The following CAND1 variants were observed in gnomAD, a reference collection of about 807,000 sequenced individuals.
CAND1 encodes cullin associated and neddylation dissociated 1.
A neutral mutation model predicts 108.5 loss-of-function variants in CAND1; 7 were observed. The ratio of observed to expected loss-of-function variants is 0.06; its 90% CI spans 0.04 to 0.12. The LOEUF (loss-of-function observed/expected upper bound fraction) is 0.12, where lower values mean the gene tolerates loss of function less well. Ranked by LOEUF, CAND1 falls within the 10% of genes least tolerant of loss-of-function variation. The pLI, the probability that CAND1 is intolerant of heterozygous loss-of-function variation, is 1.00. For synonymous variants in CAND1, 534 were observed against 512.0 expected, an observed-to-expected ratio of 1.04 and a Z score of -0.58; for missense variants, 941 against 1,448.7, an observed-to-expected ratio of 0.65 and a Z score of 5.69.
In CAND1 at chr12:67,312,595, C is replaced by T; in HGVS notation, c.3469-11C>T. On this transcript the variant is annotated splice_polypyrimidine_tract_variant and intron_variant, in intron 14 of 14. Transcript: ENST00000545606. ...TTATAGCATGTAATCTAAGTTTACT[C>T]CATCTTACAGGTAAAGGCAAACTCA... 1.3e-6 allele frequency: 2 copies of T among 1,564,564 alleles called. No homozygotes were observed. Among genetic ancestry groups the T allele is most frequent in the Non-Finnish European group, 1.7e-6 (2 of 1,151,504 alleles).
chr12:67,305,195 T>G lies in CAND1; in HGVS notation c.1527T>G (p.Ser509=). ...TATACGTAATCCTCTGTAACCATTCTCCTCAAGTCTTCCATCCTCACGTTC... is the reference window on the plus strand; with the variant it reads ...TATACGTAATCCTCTGTAACCATTCGCCTCAAGTCTTCCATCCTCACGTTC... ...SCLYVILCNH[S]PQVFHPHVQA... The change falls in exon 10 of 15, where the codon TCT becomes TCG. Residue 509 remains serine (S), a synonymous_variant. Transcript: ENST00000545606. This position sits in a 1 kb window ranked among gnomAD's most constrained non-coding sequence, Gnocchi z 4.4. 6.2e-7 allele frequency: 1 copy of G among 1,614,154 alleles called. No homozygotes were observed. The highest frequency in any genetic ancestry group is 8.5e-7 in the Non-Finnish European group (1 of 1,179,994).
chr12:67,292,885 A>G (rs2044735378), intron 3 of CAND1, 109 bp downstream of exon 3: 6 of 945,118 alleles, frequency 6.3e-6, no homozygotes, highest in African/African-American at 1.7e-5. Context: ...GTCCTTACAG[A>G]TGTTCATAGG....
chr12:67,307,408 G>T lies in CAND1; in HGVS notation c.2941G>T (p.Ala981Ser). The change falls in exon 11 of 15, where the codon GCC becomes TCC. Residue 981 changes from alanine (A) to serine (S), a missense_variant. By Grantham distance (99) the Ala-to-Ser change is moderately conservative. Coordinates refer to ENST00000545606, the MANE Select transcript of CAND1 (RefSeq NM_018448.5). ...KGYLISGSSY[A>S]RSSVVTAVKF... ...TTATTTTTAACTAGGCTCATCATAT[G>T]CCCGAAGCTCAGTGGTTACGGCTGT... 2 of 1,610,856 alleles carry T rather than the reference G, an allele frequency of 1.2e-6. No individual in the cohort carries two copies.
At chr12:67,310,954 C>T (rs1455056840) in intron 13 of CAND1, 1 of 151,944 alleles carries the variant, frequency 6.6e-6, no homozygotes, top group Non-Finnish European at 1.5e-5. Context: ...GTGTGTTCGT[C>T]TCCATTTAAA....
intron 11 of CAND1, among the ~76,000 whole-genome samples, chr12:67,309,260 A>T (rs1565730122): frequency 1.3e-5 from 2 of 151,988 alleles, no homozygotes; most frequent in Non-Finnish European, 2.9e-5. Context: ...CCACATTTGC[A>T]AGAGTAAGCA....
In CAND1 at chr12:67,269,664, C is replaced by CGGCAGCG. The variant is rs903061170; in HGVS notation, c.-47_-41dup. On this transcript the variant is annotated 5_prime_UTR_variant, in exon 1 of 15. Coordinates refer to ENST00000545606, the MANE Select transcript of CAND1 (RefSeq NM_018448.5). ...CCAGTGGCGGCGGCGGCGGCGGCAG[C>CGGCAGCG]GGCAGCGGGCAGCAGCTCCAGCAGC... The CGGCAGCG allele has an allele frequency of 2.5e-5, 37 of 1,506,376 alleles. No individual in the cohort carries two copies. The highest frequency in any genetic ancestry group is 1.1e-4 in the African/African-American group (8 of 70,204). 93.3% of individuals were successfully genotyped at this position (1,506,376 alleles called of 1,614,324 possible).
chr12:67,282,198 A>G, intron 2 of CAND1, 145 bp downstream of exon 2: 1 of 755,768 alleles, frequency 1.3e-6, no homozygotes, highest in Non-Finnish European at 2.2e-6. Flanking sequence ...ACTAATGTTT[A>G]GTGTTTGTAT....
intron 2 of CAND1, among the ~76,000 whole-genome samples, chr12:67,288,408 A>G (rs1592610631): frequency 3.9e-5 from 6 of 152,122 alleles, no homozygotes; most frequent in Admixed American, 3.9e-4. Flanking sequence ...TATTTTAAAC[A>G]TAAGCCACCA....
rs113345107 is a variant in CAND1 at position 67,269,898 on chromosome 12, C to T, written c.68+113C>T. ...GCCGTAGCCGGTAGCTTCTCTGCCCCGAAGTCTCCAGCCCACCGGTCCGCT... is the reference window on the plus strand; with the variant it reads ...GCCGTAGCCGGTAGCTTCTCTGCCCTGAAGTCTCCAGCCCACCGGTCCGCT... On this transcript the variant is annotated intron_variant, in intron 1 of 14. Transcript: ENST00000545606. 25 of 842,282 alleles carry T rather than the reference C, an allele frequency of 3.0e-5. No individual in the cohort carries two copies. The African/African-American group carries it at 3.6e-4, about 12-fold the overall frequency. 52.2% of individuals were successfully genotyped at this position (842,282 alleles called of 1,614,324 possible). A position where few individuals can be genotyped will look rare whatever the true frequency, so the allele number is the denominator to read the frequency against.
chr12:67,279,133 C>T (rs1180216180), intron 1 of CAND1, among the ~76,000 whole-genome samples: 1 of 149,864 alleles, frequency 6.7e-6, no homozygotes, highest in Admixed American at 6.7e-5. Context: ...GAACTGTTTC[C>T]TTAGTCCTTC....
chr12:67,280,729 G>T (rs2044611843), intron 1 of CAND1, among the ~76,000 whole-genome samples: 1 of 152,144 alleles, frequency 6.6e-6, no homozygotes, highest in South Asian at 2.1e-4. Context: ...GAAAATCTGA[G>T]ATGCCGTTTA....
At chr12:67,299,201 T>G (rs2044799611) in intron 7 of CAND1, 106 bp downstream of exon 7, 1 of 1,093,650 alleles carries the variant, frequency 9.1e-7, no homozygotes, top group East Asian at 2.7e-5. Context: ...GTTATAATAG[T>G]GAAAAGGGAA....
At position 67,311,701 on chromosome 12, in the gene CAND1, A is replaced by AT; in HGVS notation, c.3374dup (p.Leu1125PhefsTer23). The AT allele has an allele frequency of 6.3e-7, 1 of 1,599,100 alleles. No individual in the cohort carries two copies. The highest frequency in any genetic ancestry group is 8.6e-7 in the Non-Finnish European group (1 of 1,166,866). ...TTTTTTATTCCTAATAGATGCTGAC[A>AT]TTTTTAATGTTGGTGAGACTGTCTA... On this transcript the variant is annotated frameshift_variant, in exon 14 of 15. Transcript: ENST00000545606. LOFTEE classifies it high-confidence loss of function.
Position 67,306,356 on chromosome 12 carries a change from G to A in CAND1, c.2688G>A (p.Leu896=), listed in dbSNP as rs750304883. ...GNLPEYLPFV[L]QEITSQPKRQ... is the part of the protein sequence containing the mutation. Reference sequence around the variant, plus strand: ...TTCCTGAATATCTGCCGTTTGTCCTGCAAGAAATAACTAGTCAACCCAAAA... The same window carrying A: ...TTCCTGAATATCTGCCGTTTGTCCTACAAGAAATAACTAGTCAACCCAAAA... Residue 896 remains leucine, a synonymous_variant, in exon 10 of 15, where the codon CTG becomes CTA. Coordinates refer to ENST00000545606, the MANE Select transcript of CAND1 (RefSeq NM_018448.5). 6.2e-7 allele frequency: 1 copy of A among 1,614,062 alleles called. No individual in the cohort carries two copies. The highest frequency in any genetic ancestry group is 1.7e-5 in the Admixed American group (1 of 60,002).
rs376295658 is a variant in CAND1 at position 67,297,390 on chromosome 12, T to C, written c.492-17T>C. On this transcript the variant is annotated splice_polypyrimidine_tract_variant and intron_variant, in intron 4 of 14. Coordinates refer to ENST00000545606, the MANE Select transcript of CAND1 (RefSeq NM_018448.5). The stretch of plus-strand genomic sequence containing the variant: ...AATTCATTTGTTGTTTTCTTTCTTT[T>C]TTTATTTTATTTTAAGGCAAGGAGG... 5.6e-6 allele frequency: 9 copies of C among 1,600,172 alleles called. No homozygotes were observed. In the African/African-American group the frequency reaches 1.1e-4, roughly 19 times the overall value.
chr12:67,305,286 C>T lies in CAND1; in HGVS notation c.1618C>T (p.Leu540Phe), dbSNP rs779203871. The T allele has an allele frequency of 4.3e-6, 7 of 1,614,140 alleles. No homozygotes were observed. In the South Asian group the frequency reaches 4.4e-5, roughly 10 times the overall value. ...ATTTTACAAAATTACATCTGAAGCACTTCTTGTTACTCAACAGCTTGTCAA... is the reference window on the plus strand; with the variant it reads ...ATTTTACAAAATTACATCTGAAGCATTTCTTGTTACTCAACAGCTTGTCAA... Reference protein sequence around the residue: ...DPFYKITSEALLVTQQLVKVI... With the variant: ...DPFYKITSEAFLVTQQLVKVI... Residue 540 changes from leucine (L) to phenylalanine (F), a missense_variant, in exon 10 of 15, where the codon CTT (leucine) becomes TTT (phenylalanine). Physicochemically the swap from Leu to Phe is conservative, Grantham distance 22. Transcript: ENST00000545606. The surrounding 1 kb of genome is among the most constrained non-coding windows in gnomAD (Gnocchi z 4.4).
intron 11 of CAND1, among the ~76,000 whole-genome samples, chr12:67,309,637 CTCT>C (rs1201053339): frequency 1.3e-5 from 2 of 151,928 alleles, no homozygotes; most frequent in East Asian, 3.9e-4. Flanking sequence ...ACTTTATGGA[CTCT>C]TCTTCCATAC....
chr12:67,284,656 A>G (rs985320492), intron 2 of CAND1, among the ~76,000 whole-genome samples: 5 of 113,820 alleles, frequency 4.4e-5, no homozygotes, highest in African/African-American at 1.4e-4. Flanking sequence ...CAGGTAAAAC[A>G]TGTAACAACA....
At chr12:67,279,191 G>A (rs1215197319) in intron 1 of CAND1, among the ~76,000 whole-genome samples, 6 of 132,368 alleles carry the variant, frequency 4.5e-5, no homozygotes, top group Non-Finnish European at 6.5e-5. Context: ...AAAAAAAAAA[G>A]TAATTTAAAT....
Sources: gnomAD v4.1 joint callset for allele counts (sites outside exome capture counted in the v4.1 genomes callset) on GRCh38, gnomAD v4.1.1 for gene constraint, Gnocchi (gnomAD v3.1) non-coding constraint, MANE v1.5 for transcripts, NCBI Gene and HGNC (gene_info 2026-07-23, HGNC 2026-07-21) for gene names.